TCTN3: variants seen among roughly 807,000 people sequenced by gnomAD.
TCTN3 encodes tectonic family member 3.
In TCTN3, 57 loss-of-function variants were observed where a neutral mutation model predicts 71.3. The observed-to-expected ratio is 0.80, with a 90% CI of 0.65 to 1.00. TCTN3 has a LOEUF of 1.00. TCTN3 is among the 50% of genes least tolerant of loss of function. TCTN3 has a pLI of 0.00. For missense variants in TCTN3, 696 were observed against 719.9 expected (o/e 0.97, Z 0.38); for synonymous variants, 258 against 267.8 (o/e 0.96, Z 0.36).
chr10:95,691,938 C>T (rs369807967), intron 3 of TCTN3, among the ~76,000 whole-genome samples: 8 of 152,184 alleles, frequency 5.3e-5, no homozygotes, highest in Admixed American at 5.2e-4. Flanking sequence ...AAGGAAATGG[C>T]AGGACTGAGA....
At chr10:95,691,715 G>A (rs1369712258) in intron 3 of TCTN3, among the ~76,000 whole-genome samples, 4 of 152,190 alleles carry the variant, frequency 2.6e-5, no homozygotes, top group Non-Finnish European at 4.4e-5. Flanking sequence ...TAAAAAGATA[G>A]ATTAGCTTCA....
intron 13 of TCTN3, among the ~76,000 whole-genome samples, chr10:95,673,594 G>C (rs2097933833): frequency 6.6e-6 from 1 of 151,788 alleles, no homozygotes; most frequent in Non-Finnish European, 1.5e-5. Context: ...TGTAATCCCA[G>C]AACTTTGAGA....
chr10:95,682,592 C>G, intron 12 of TCTN3, 59 bp downstream of exon 12: 1 of 1,558,216 alleles, frequency 6.4e-7, no homozygotes, highest in Non-Finnish European at 8.7e-7. Flanking sequence ...AACTTACTAT[C>G]CAAGATTTAC....
intron 13 of TCTN3, among the ~76,000 whole-genome samples, chr10:95,674,489 T>A (rs944991218): frequency 3.3e-5 from 5 of 152,178 alleles, no homozygotes; most frequent in Admixed American, 3.3e-4. Context: ...GATATCCATA[T>A]GTATATTTTT....
At chr10:95,676,224 CAAACCAGAAT>C (rs1490672986) in intron 13 of TCTN3, among the ~76,000 whole-genome samples, 1 of 150,230 alleles carries the variant, frequency 6.7e-6, no homozygotes, top group Non-Finnish European at 1.5e-5. Context: ...AATACAAAAA[CAAACCAGAAT>C]AAACCAGAAT....
At position 95,664,076 on chromosome 10, in the gene TCTN3, C is replaced by T; in HGVS notation, c.1815G>A (p.Glu605=). ...CLLLLGVLNL[E]TM The stretch of plus-strand genomic sequence containing the variant: ...GATTATTTTCTTTTCTTCACATAGT[C>T]TCTAGGTTGAGAACTCCAAGTAGTA... Residue 605 remains glutamate, a synonymous_variant, in exon 14 of 14, where the codon GAG becomes GAA. Transcript: ENST00000371217. The T allele has an allele frequency of 6.2e-7, 1 of 1,613,898 alleles. No individual in the cohort carries two copies. The highest frequency in any genetic ancestry group is 1.1e-5 in the South Asian group (1 of 91,062).
chr10:95,670,135 T>C (rs2097929568), intron 13 of TCTN3, among the ~76,000 whole-genome samples: 1 of 150,898 alleles, frequency 6.6e-6, no homozygotes, highest in Non-Finnish European at 1.5e-5. Context: ...CATCACATGG[T>C]AATTAGGATC....
At chr10:95,672,816 T>C (rs1292767791) in intron 13 of TCTN3, among the ~76,000 whole-genome samples, 2 of 151,150 alleles carry the variant, frequency 1.3e-5, no homozygotes, top group African/African-American at 2.4e-5. Flanking sequence ...CCTCAGCCTC[T>C]GAAGTAGTTG....
Position 95,683,713 on chromosome 10 carries a change from T to A in TCTN3, c.1096-84A>T, listed in dbSNP as rs562082624. On this transcript the variant is annotated intron_variant, in intron 9 of 13. Coordinates refer to ENST00000371217, the MANE Select transcript of TCTN3 (RefSeq NM_015631.6). ...CTGCTTGGCTTCACCGTACCCTTCC[T>A]TAAGGCAAGGAAATGCAATAAGTGA... 8.6e-5 allele frequency: 102 copies of A among 1,183,390 alleles called. No homozygotes were observed. In the East Asian group the frequency reaches 2.3e-3, roughly 27 times the overall value. The allele number at this position is 1,183,390 out of a possible 1,614,324, so 73.3% of individuals were successfully genotyped here.
At chr10:95,693,548 C>A in intron 1 of TCTN3, 72 bp from the exon 2 acceptor site, 1 of 1,549,314 alleles carries the variant, frequency 6.5e-7, no homozygotes, top group Non-Finnish European at 8.7e-7. Flanking sequence ...CCTCCTTCTT[C>A]CGACAGCCCC....
intron 8 of TCTN3, 71 bp downstream of exon 8, chr10:95,685,485 T>C (rs78327499): frequency 6.0e-4 from 764 of 1,274,036 alleles, no homozygotes; most frequent in Admixed American, 1.1e-3. Context: ...TGATACTTAA[T>C]GGAAGATGAG....
In TCTN3 at chr10:95,682,635, A is replaced by G. The variant is rs779934498; in HGVS notation, c.1452+16T>C. ...TAAAAATGAGTCTTCATCAGAAAGTATATTTCTCTCCTTACTGAAATGCTG... is the reference window on the plus strand; with the variant it reads ...TAAAAATGAGTCTTCATCAGAAAGTGTATTTCTCTCCTTACTGAAATGCTG... On this transcript the variant is annotated intron_variant, in intron 12 of 13. Coordinates refer to ENST00000371217, the MANE Select transcript of TCTN3 (RefSeq NM_015631.6). 4.8e-5 allele frequency: 77 copies of G among 1,606,998 alleles called. No homozygotes were observed. In the Middle Eastern group the frequency reaches 6.7e-4, roughly 14 times the overall value.
chr10:95,683,286 CTATT>C (rs2097944919), intron 10 of TCTN3, 91 bp from the exon 11 acceptor site: 3 of 1,517,602 alleles, frequency 2.0e-6, no homozygotes, highest in Admixed American at 4.2e-5. Flanking sequence ...TCCTTTAATG[CTATT>C]TATTTTGTAT....
intron 12 of TCTN3, 124 bp from the exon 13 acceptor site, chr10:95,680,733 G>C: frequency 1.8e-6 from 2 of 1,133,006 alleles, no homozygotes; most frequent in Non-Finnish European, 2.4e-6. Context: ...TAGCTTAGTG[G>C]AAGAACACAA....
At chr10:95,682,985 G>T in intron 11 of TCTN3, 116 bp downstream of exon 11, 1 of 1,237,704 alleles carries the variant, frequency 8.1e-7, no homozygotes, top group Non-Finnish European at 1.1e-6. Context: ...TAGACTAAAA[G>T]ACTATTCCTG....
At chr10:95,683,351 CCA>C (rs1317943150) in intron 10 of TCTN3, 156 bp from the exon 11 acceptor site, 12 of 1,504,690 alleles carry the variant, frequency 8.0e-6, no homozygotes, top group East Asian at 4.9e-5. Context: ...CCTCAGAAAA[CCA>C]CAGAGAGACA....
At chr10:95,691,875 G>C (rs1437055099) in intron 3 of TCTN3, among the ~76,000 whole-genome samples, 1 of 152,150 alleles carries the variant, frequency 6.6e-6, no homozygotes, top group Admixed American at 6.5e-5. Context: ...CTTTACAGTT[G>C]AAGAAACGAG....
rs1309203056 is a variant in TCTN3 at position 95,683,510 on chromosome 10, T to C, written c.1203+12A>G. 9.9e-6 allele frequency: 16 copies of C among 1,614,178 alleles called. No homozygotes were observed. The highest frequency in any genetic ancestry group is 1.4e-5 in the Non-Finnish European group (16 of 1,180,014). ...TAGGCTGCAACAGGCCACCCAGCTC[T>C]AAAAAGGATACTGAGTAACTTATAT... On this transcript the variant is annotated intron_variant, in intron 10 of 13. Transcript: ENST00000371217.
rs189194753 is a variant in TCTN3 at position 95,676,213 on chromosome 10, A to G, written c.1590+4259T>C. On this transcript the variant is annotated intron_variant, in intron 13 of 13. Coordinates refer to ENST00000371217, the MANE Select transcript of TCTN3 (RefSeq NM_015631.6). The stretch of plus-strand genomic sequence containing the variant: ...ACTAGTGGGTTTTGTCTAGCATTTA[A>G]AATACAAAAACAAACCAGAATAAAC... Among the ~76,000 whole-genome samples, 640 of 152,324 alleles carry G rather than the reference A, an allele frequency of 4.2e-3. 2 individuals carry two copies. The highest frequency in any genetic ancestry group is 0.02 in the Middle Eastern group (6 of 294).
Sources: allele counts gnomAD v4.1 joint callset (sites outside exome capture counted in the v4.1 genomes callset), GRCh38; gene constraint gnomAD v4.1.1; transcripts MANE v1.5; gene names NCBI Gene and HGNC (gene_info 2026-07-23, HGNC 2026-07-21).